The following GRM3 variants were observed in gnomAD, a reference collection of about 807,000 sequenced individuals.
GRM3 encodes the protein metabotropic glutamate receptor 3.
In GRM3, 26 loss-of-function variants were observed where a neutral mutation model predicts 70.5. The ratio of observed to expected loss-of-function variants is 0.37; its 90% CI spans 0.27 to 0.51. GRM3 has a LOEUF of 0.51. Ranked by LOEUF, GRM3 falls within the 20% of genes least tolerant of loss-of-function variation. GRM3 has a pLI of 0.93. For synonymous variants in GRM3, 443 were observed against 434.9 expected (o/e 1.02, Z -0.23); for missense variants, 859 against 1,123.8 (o/e 0.76, Z 3.37).
chr7:86,864,373 G>T lies in GRM3; in HGVS notation c.*18G>T, dbSNP rs779549602. 1.3e-6 allele frequency: 2 copies of T among 1,597,934 alleles called. No homozygotes were observed. The highest frequency in any genetic ancestry group is 2.7e-5 in the African/African-American group (2 of 74,494). On this transcript the variant is annotated 3_prime_UTR_variant, in exon 6 of 6. Transcript: ENST00000361669. ...CTCTGTGATTGTGAATTGCAGTTCA[G>T]TTCTTGTGTTTTTAGACTGTTAGAC... is the stretch of plus-strand genomic sequence containing the variant.
intron 1 of GRM3, among the ~76,000 whole-genome samples, chr7:86,751,937 C>T (rs1043032495): frequency 6.6e-6 from 1 of 152,104 alleles, no homozygotes; most frequent in Admixed American, 6.6e-5. Context: ...TTGTTATATA[C>T]TGTCATTTTT....
At chr7:86,707,348 C>T (rs1217222269) in intron 1 of GRM3, among the ~76,000 whole-genome samples, 1 of 152,012 alleles carries the variant, frequency 6.6e-6, no homozygotes, top group Non-Finnish European at 1.5e-5. Flanking sequence ...TAGTGTTGTC[C>T]TCTACAAAAT....
At chr7:86,810,212 C>A (rs1162735763) in intron 3 of GRM3, among the ~76,000 whole-genome samples, 1 of 151,920 alleles carries the variant, frequency 6.6e-6, no homozygotes, top group African/African-American at 2.4e-5. Flanking sequence ...CAATCTCATT[C>A]TTTGTCAAAA....
intron 1 of GRM3, among the ~76,000 whole-genome samples, chr7:86,663,501 G>T (rs1329060084): frequency 6.6e-6 from 1 of 152,004 alleles, no homozygotes; most frequent in African/African-American, 2.4e-5. Context: ...TAGAAATAGT[G>T]AGTACTAATT....
chr7:86,652,209 T>TA (rs1445441250), intron 1 of GRM3, among the ~76,000 whole-genome samples: 3 of 137,392 alleles, frequency 2.2e-5, no homozygotes, highest in East Asian at 2.2e-4. Context: ...ATTGAGGTGT[T>TA]AGAGTGCTCA....
chr7:86,839,359 C>T lies in GRM3; in HGVS notation c.1845C>T (p.Cys615=). The T allele has an allele frequency of 6.2e-7, 1 of 1,614,076 alleles. No homozygotes were observed. Among genetic ancestry groups the T allele is most frequent in the Non-Finnish European group, 8.5e-7 (1 of 1,179,976 alleles). Residue 615 remains cysteine (C), a synonymous_variant, in exon 4 of 6, where the codon TGC becomes TGT. Coordinates refer to ENST00000361669, the MANE Select transcript of GRM3 (RefSeq NM_000840.3). This position sits in a 1 kb window ranked among gnomAD's most constrained non-coding sequence, Gnocchi z 4.5. ...TCAAAGCATCGGGCCGAGAACTCTG[C>T]TACATCTTATTGTTTGGGGTTGGCC... ...PLVKASGREL[C]YILLFGVGLS... is the part of the protein sequence containing the mutation.
chr7:86,675,715 A>G (rs1189897484), intron 1 of GRM3, among the ~76,000 whole-genome samples: 1 of 152,100 alleles, frequency 6.6e-6, no homozygotes, highest in Non-Finnish European at 1.5e-5. Context: ...TTTTCTAGGC[A>G]AAGACTTAAA....
intron 1 of GRM3, among the ~76,000 whole-genome samples, chr7:86,764,664 A>G (rs1465730188): frequency 1.3e-5 from 2 of 152,138 alleles, no homozygotes; most frequent in African/African-American, 4.8e-5. Flanking sequence ...AACAAAGTAA[A>G]TGACTCAGTA....
chr7:86,795,555 T>A (rs1424693781), intron 3 of GRM3, among the ~76,000 whole-genome samples: 1 of 152,114 alleles, frequency 6.6e-6, no homozygotes, highest in Non-Finnish European at 1.5e-5. Context: ...CCTGTGTTAG[T>A]TTGCTGAGGA....
chr7:86,705,458 A>G (rs552120279), intron 1 of GRM3, among the ~76,000 whole-genome samples: 3 of 152,150 alleles, frequency 2.0e-5, no homozygotes, highest in Non-Finnish European at 4.4e-5. Flanking sequence ...TTGAAAATCA[A>G]AAAGACATTT....
Position 86,839,647 on chromosome 7 carries a change from C to T in GRM3, c.2133C>T (p.Ala711=). The change falls in exon 4 of 6, where the codon GCC becomes GCT. Residue 711 remains alanine, a synonymous_variant. Coordinates refer to ENST00000361669, the MANE Select transcript of GRM3 (RefSeq NM_000840.3). This position sits in a 1 kb window ranked among gnomAD's most constrained non-coding sequence, Gnocchi z 4.5. ...VMVSVWLILE[A]PGTRRYTLAE... ...TGTCTGTGTGGCTCATCCTGGAGGCCCCAGGCACCAGGAGGTATACCCTTG... is the reference window on the plus strand; with the variant it reads ...TGTCTGTGTGGCTCATCCTGGAGGCTCCAGGCACCAGGAGGTATACCCTTG... The T allele has an allele frequency of 1.2e-6, 2 of 1,613,134 alleles. No individual in the cohort carries two copies. The highest frequency in any genetic ancestry group is 2.2e-5 in the South Asian group (2 of 91,048).
At chr7:86,778,308 C>A (rs1796949212) in intron 2 of GRM3, among the ~76,000 whole-genome samples, 9 of 152,004 alleles carry the variant, frequency 5.9e-5, no homozygotes. Context: ...ATTATTGTTC[C>A]CTTTAATGTA....
chr7:86,740,423 A>G (rs1417805153), intron 1 of GRM3, among the ~76,000 whole-genome samples: 1 of 152,196 alleles, frequency 6.6e-6, no homozygotes, highest in Admixed American at 6.5e-5. Flanking sequence ...GATTCAAAAA[A>G]AAGGCAACCA....
intron 1 of GRM3, among the ~76,000 whole-genome samples, chr7:86,650,655 G>A (rs1793581730): frequency 6.6e-6 from 1 of 152,158 alleles, no homozygotes; most frequent in Admixed American, 6.5e-5. Context: ...TGAACAAGCT[G>A]AGAAATAAAC....
At chr7:86,753,798 C>G (rs1305238383) in intron 1 of GRM3, among the ~76,000 whole-genome samples, 3 of 152,050 alleles carry the variant, frequency 2.0e-5, no homozygotes, top group Non-Finnish European at 4.4e-5. Flanking sequence ...CAGTGGTGTG[C>G]TGGTAAATAT....
In GRM3 at chr7:86,765,277, G is replaced by C. The variant is rs56763064; in HGVS notation, c.132G>C (p.Leu44=). The part of the protein sequence containing the change: ...KIEGDLVLGG[L]FPINEKGTGT... Reference sequence around the variant, plus strand: ...AAGGTGACCTTGTTTTAGGGGGCCTGTTTCCTATTAACGAAAAAGGCACTG... The same window carrying C: ...AAGGTGACCTTGTTTTAGGGGGCCTCTTTCCTATTAACGAAAAAGGCACTG... The change falls in exon 2 of 6, where the codon CTG becomes CTC. Residue 44 remains leucine, a synonymous_variant. Coordinates refer to ENST00000361669, the MANE Select transcript of GRM3 (RefSeq NM_000840.3). 15 of 1,613,732 alleles carry C rather than the reference G, an allele frequency of 9.3e-6. 1 individual carries two copies. The South Asian group carries it at 1.6e-4, about 18-fold the overall frequency.
In GRM3 at chr7:86,837,266, G is replaced by A. The variant is rs575008583; in HGVS notation, c.1325-1573G>A. Reference sequence around the variant, plus strand: ...AAATATAAAGTCCTCTTTTTACCAAGAGCCCAAGTAATTCATTGAAGGATC... The same window carrying A: ...AAATATAAAGTCCTCTTTTTACCAAAAGCCCAAGTAATTCATTGAAGGATC... On this transcript the variant is annotated intron_variant, in intron 3 of 5. Coordinates refer to ENST00000361669, the MANE Select transcript of GRM3 (RefSeq NM_000840.3). Among the ~76,000 whole-genome samples, 16 of 152,220 alleles carry A rather than the reference G, an allele frequency of 1.1e-4. No individual in the cohort carries two copies. In the East Asian group the frequency reaches 1.7e-3, roughly 17 times the overall value.
intron 1 of GRM3, among the ~76,000 whole-genome samples, chr7:86,699,805 G>A (rs1794908764): frequency 1.3e-5 from 2 of 151,946 alleles, no homozygotes; most frequent in African/African-American, 4.8e-5. Flanking sequence ...ACCAGATGAG[G>A]AGAACTAGCT....
At chr7:86,704,364 T>C (rs1795011646) in intron 1 of GRM3, among the ~76,000 whole-genome samples, 1 of 151,906 alleles carries the variant, frequency 6.6e-6, no homozygotes. Flanking sequence ...ACACCAATAT[T>C]TTTCCATTAT....
Sources: allele counts gnomAD v4.1 joint callset (sites outside exome capture counted in the v4.1 genomes callset), GRCh38; gene constraint gnomAD v4.1.1; non-coding constraint Gnocchi (gnomAD v3.1); transcripts MANE v1.5; gene names NCBI Gene and HGNC (gene_info 2026-07-23, HGNC 2026-07-21).